The following KIAA0232 variants were observed in gnomAD, a reference collection of about 807,000 sequenced individuals.
The protein encoded by KIAA0232 is uncharacterized protein KIAA0232.
In KIAA0232, 27 loss-of-function variants were observed where a neutral mutation model predicts 122.0. The observed-to-expected ratio is 0.22, with a 90% CI of 0.16 to 0.31. KIAA0232 has a LOEUF of 0.31. Among genes scored for constraint, KIAA0232 ranks in the 10% least tolerant of loss-of-function variants. The pLI, the probability that KIAA0232 is intolerant of heterozygous loss-of-function variation, is 1.00. For synonymous variants in KIAA0232, 613 were observed against 587.6 expected, an observed-to-expected ratio of 1.04 and a Z score of -0.63; for missense variants, 1,551 against 1,634.2, an observed-to-expected ratio of 0.95 and a Z score of 0.88.
At chr4:6,789,110 A>G (rs1384679322) in intron 1 of KIAA0232, among the ~76,000 whole-genome samples, 3 of 151,984 alleles carry the variant, frequency 2.0e-5, no homozygotes, top group Non-Finnish European at 4.4e-5. Flanking sequence ...AGCTGGGACT[A>G]CAGGCGCCCG....
intron 6 of KIAA0232, among the ~76,000 whole-genome samples, chr4:6,859,591 T>G (rs1720752485): frequency 6.6e-6 from 1 of 152,250 alleles, no homozygotes; most frequent in South Asian, 2.1e-4. Flanking sequence ...GGAGTGCATT[T>G]CACCTATTTC....
chr4:6,845,716 A>T (rs779310043), intron 4 of KIAA0232, among the ~76,000 whole-genome samples: 2 of 152,112 alleles, frequency 1.3e-5, no homozygotes, highest in African/African-American at 2.4e-5. Flanking sequence ...AAAGGATCTT[A>T]TTTCTTCTTT....
chr4:6,784,440 G>C (rs903043726), intron 1 of KIAA0232, among the ~76,000 whole-genome samples: 1 of 152,050 alleles, frequency 6.6e-6, no homozygotes, highest in Non-Finnish European at 1.5e-5. Flanking sequence ...GAGGGCGGGG[G>C]GGGAGGAGGA....
At chr4:6,875,999 G>T (rs916874185) in intron 8 of KIAA0232, among the ~76,000 whole-genome samples, 1 of 152,186 alleles carries the variant, frequency 6.6e-6, no homozygotes, top group Non-Finnish European at 1.5e-5. Context: ...GCCCCCAGAT[G>T]ATGAGAATAT....
chr4:6,811,974 A>G (rs948587449), intron 2 of KIAA0232, among the ~76,000 whole-genome samples: 3 of 152,100 alleles, frequency 2.0e-5, no homozygotes, highest in Non-Finnish European at 4.4e-5. Flanking sequence ...TTCCATGATT[A>G]CATTGAAATG....
At chr4:6,849,674 G>A (rs1010675370) in intron 4 of KIAA0232, among the ~76,000 whole-genome samples, 2 of 152,068 alleles carry the variant, frequency 1.3e-5, no homozygotes, top group African/African-American at 4.8e-5. Context: ...AGCTACTCAG[G>A]AGGCTGAGGT....
intron 3 of KIAA0232, among the ~76,000 whole-genome samples, chr4:6,833,903 C>A (rs1424680137): frequency 6.6e-6 from 1 of 152,184 alleles, no homozygotes; most frequent in Non-Finnish European, 1.5e-5. Flanking sequence ...ACTTTCAGAC[C>A]TGCAGTCTCC....
chr4:6,878,489 G>A (rs1489124026), intron 9 of KIAA0232, among the ~76,000 whole-genome samples: 1 of 152,144 alleles, frequency 6.6e-6, no homozygotes, highest in East Asian at 1.9e-4. Flanking sequence ...TAGTACAAGT[G>A]TATACATGCA....
In KIAA0232 at chr4:6,861,051, G is replaced by A; in HGVS notation, c.669G>A (p.Lys223=). ...PPASTDTSSP[K]DCNSESEVTK... ...CTAGCACAGATACTTCCTCTCCTAA[G>A]GACTGCAACAGTGAAAGTGAAGTCA... is the stretch of plus-strand genomic sequence containing the variant. Residue 223 remains lysine, a synonymous_variant, in exon 7 of 10, where the codon AAG becomes AAA. Coordinates refer to ENST00000307659, the MANE Select transcript of KIAA0232 (RefSeq NM_014743.3). 1 of 1,614,064 alleles carries A rather than the reference G, an allele frequency of 6.2e-7. No individual in the cohort carries two copies. Among genetic ancestry groups the A allele is most frequent in the Non-Finnish European group, 8.5e-7 (1 of 1,180,006 alleles).
chr4:6,859,241 T>G (rs1278631437), intron 6 of KIAA0232, among the ~76,000 whole-genome samples: 1 of 152,188 alleles, frequency 6.6e-6, no homozygotes, highest in Non-Finnish European at 1.5e-5. Context: ...CTAAAGATAC[T>G]TTTATTTTTT....
chr4:6,847,580 C>T (rs1004835221), intron 4 of KIAA0232, among the ~76,000 whole-genome samples: 16 of 152,278 alleles, frequency 1.1e-4, no homozygotes, highest in African/African-American at 3.6e-4. Flanking sequence ...GTTTTTAGGT[C>T]CCAGCTGAAA....
chr4:6,830,708 G>A (rs1390940377), intron 3 of KIAA0232, among the ~76,000 whole-genome samples: 1 of 151,950 alleles, frequency 6.6e-6, no homozygotes, highest in Non-Finnish European at 1.5e-5. Flanking sequence ...TGCCCGGCCT[G>A]TTTTCTTTAT....
Position 6,863,828 on chromosome 4 carries a change from C to T in KIAA0232, c.3446C>T (p.Ala1149Val). ...SQVDIFEDPQADLKPLEEDAE... is the reference protein window; with the variant it reads ...SQVDIFEDPQVDLKPLEEDAE... ...GTTGATATATTTGAAGATCCGCAGG[C>T]AGATCTCAAACCTTTGGAAGAAGAT... The change falls in exon 7 of 10, where the codon GCA (alanine) becomes GTA (valine). Residue 1149 changes from alanine to valine, a missense_variant. Coordinates refer to ENST00000307659, the MANE Select transcript of KIAA0232 (RefSeq NM_014743.3). 6.2e-7 allele frequency: 1 copy of T among 1,614,056 alleles called. No individual in the cohort carries two copies. The highest frequency in any genetic ancestry group is 8.5e-7 in the Non-Finnish European group (1 of 1,180,010).
At chr4:6,843,417 A>G (rs1040518536) in intron 4 of KIAA0232, among the ~76,000 whole-genome samples, 5 of 152,210 alleles carry the variant, frequency 3.3e-5, no homozygotes, top group African/African-American at 1.2e-4. Flanking sequence ...CCACTGATGC[A>G]AACGGTTTTT....
At chr4:6,810,128 T>G (rs1162283728) in intron 2 of KIAA0232, among the ~76,000 whole-genome samples, 5 of 152,186 alleles carry the variant, frequency 3.3e-5, no homozygotes, top group Non-Finnish European at 7.4e-5. Context: ...AAAGCAATCC[T>G]GACCAAAAAG....
chr4:6,867,058 A>AT (rs1308944687), intron 7 of KIAA0232, among the ~76,000 whole-genome samples: 1 of 151,854 alleles, frequency 6.6e-6, no homozygotes, highest in Non-Finnish European at 1.5e-5. Context: ...ATTTCTTCCT[A>AT]TTTTTTCTTT....
chr4:6,811,311 A>G (rs942848948), intron 2 of KIAA0232, among the ~76,000 whole-genome samples: 1 of 152,224 alleles, frequency 6.6e-6, no homozygotes, highest in Non-Finnish European at 1.5e-5. Flanking sequence ...TTTTGCGGCA[A>G]CGTTGGTGGA....
In KIAA0232 at chr4:6,824,490, C is replaced by T. The variant is rs1331549903; in HGVS notation, c.37C>T (p.Pro13Ser). The T allele has an allele frequency of 6.2e-7, 1 of 1,614,140 alleles. No individual in the cohort carries two copies. The highest frequency in any genetic ancestry group is 8.5e-7 in the Non-Finnish European group (1 of 1,180,004). ...PICTVVVDGL[P>S]SESSSSSYPG... ...CTGTACAGTTGTTGTGGATGGTTTG[C>T]CATCTGAAAGCTCCTCAAGTTCTTA... Residue 13 changes from proline to serine, a missense_variant, in exon 3 of 10, where the codon CCA becomes TCA. Pro to Ser is a moderately conservative substitution (Grantham distance 74). Around this residue, in one of 5 missense-constraint regions of KIAA0232, gnomAD observed 37 missense variants for 28.5 expected, o/e 1.30. Coordinates refer to ENST00000307659, the MANE Select transcript of KIAA0232 (RefSeq NM_014743.3).
intron 1 of KIAA0232, among the ~76,000 whole-genome samples, chr4:6,785,836 A>G (rs1430809309): frequency 2.6e-5 from 4 of 152,140 alleles, no homozygotes; most frequent in African/African-American, 7.2e-5. Flanking sequence ...CCCTTTCCAC[A>G]CTGTCCAGCT....
Sources: gnomAD v4.1 joint callset for allele counts (sites outside exome capture counted in the v4.1 genomes callset) on GRCh38, gnomAD v4.1.1 for gene constraint, gnomAD v4.1.1 regional missense constraint, MANE v1.5 for transcripts, NCBI Gene and HGNC (gene_info 2026-07-23, HGNC 2026-07-21) for gene names.